GRM7: variants seen among roughly 807,000 people sequenced by gnomAD.
GRM7 encodes glutamate metabotropic receptor 7, also known as metabotropic glutamate receptor 7.
GRM7 carries 35 observed loss-of-function variants against 84.5 expected under a neutral mutation model. The observed-to-expected ratio is 0.41, with a 90% CI of 0.32 to 0.55. The LOEUF is 0.55. GRM7 is among the 20% of genes least tolerant of loss of function. The pLI, the probability that GRM7 is intolerant of heterozygous loss-of-function variation, is 0.19. For missense variants in GRM7, 1,003 were observed against 1,194.6 expected, an observed-to-expected ratio of 0.84 and a Z score of 2.36; for synonymous variants, 487 against 455.1, an observed-to-expected ratio of 1.07 and a Z score of -0.89.
intron 2 of GRM7, among the ~76,000 whole-genome samples, chr3:7,242,102 C>T (rs1019297368): frequency 3.3e-5 from 5 of 152,044 alleles, no homozygotes; most frequent in Non-Finnish European, 7.4e-5. Flanking sequence ...CCTTTTTGTG[C>T]CAGATCTTTT....
At chr3:7,663,634 G>A (rs572939619) in intron 8 of GRM7, among the ~76,000 whole-genome samples, 20 of 152,238 alleles carry the variant, frequency 1.3e-4, no homozygotes, top group Admixed American at 1.3e-3. Flanking sequence ...GTTATACATT[G>A]TTAACACATT....
intron 1 of GRM7, among the ~76,000 whole-genome samples, chr3:6,952,058 A>G (rs1306240087): frequency 1.3e-5 from 2 of 151,974 alleles, no homozygotes; most frequent in African/African-American, 4.8e-5. Flanking sequence ...GTTTACATCT[A>G]TCATCTTGCT....
intron 8 of GRM7, among the ~76,000 whole-genome samples, chr3:7,644,775 C>G (rs1477344738): frequency 6.6e-6 from 1 of 152,090 alleles, no homozygotes; most frequent in Non-Finnish European, 1.5e-5. Context: ...AAGTTGTCCC[C>G]AAGACTTTGG....
chr3:6,891,243 A>G (rs1245170481), intron 1 of GRM7, among the ~76,000 whole-genome samples: 2 of 152,056 alleles, frequency 1.3e-5, no homozygotes, highest in Non-Finnish European at 2.9e-5. Flanking sequence ...TTTAAAGTTA[A>G]TATTGTTATG....
chr3:7,637,576 G>C (rs1698156511), intron 8 of GRM7, among the ~76,000 whole-genome samples: 1 of 152,144 alleles, frequency 6.6e-6, no homozygotes, highest in South Asian at 2.1e-4. Context: ...CTCCAACATG[G>C]CTTTGCAGGA....
At chr3:7,464,339 A>G (rs765296211) in intron 7 of GRM7, among the ~76,000 whole-genome samples, 9 of 152,188 alleles carry the variant, frequency 5.9e-5, no homozygotes, top group Non-Finnish European at 1.0e-4. Context: ...AAGAATCCCA[A>G]TTGGGATTAT....
intron 7 of GRM7, among the ~76,000 whole-genome samples, chr3:7,522,291 G>A (rs555530460): frequency 1.4e-5 from 2 of 145,398 alleles, no homozygotes; most frequent in African/African-American, 2.6e-5. Context: ...TCGGGGTAGG[G>A]GGAGGAAGAC....
intron 4 of GRM7, among the ~76,000 whole-genome samples, chr3:7,312,926 T>A (rs978474336): frequency 5.5e-5 from 7 of 126,376 alleles, no homozygotes; most frequent in African/African-American, 2.5e-4. Context: ...CTCCTTTTTT[T>A]TCTTTTTTTC....
At chr3:7,603,518 A>T (rs1179601143) in intron 8 of GRM7, among the ~76,000 whole-genome samples, 1 of 152,118 alleles carries the variant, frequency 6.6e-6, no homozygotes, top group Non-Finnish European at 1.5e-5. Context: ...CCCAGAGAAA[A>T]ATTGTGCAAG....
At chr3:7,722,412 C>G (rs1044597975) in intron 9 of GRM7, among the ~76,000 whole-genome samples, 1 of 150,996 alleles carries the variant, frequency 6.6e-6, no homozygotes, top group Non-Finnish European at 1.5e-5. Flanking sequence ...GTAACTTGGC[C>G]AGGGTCATAC....
chr3:7,192,628 A>G (rs1386309702), intron 2 of GRM7, among the ~76,000 whole-genome samples: 1 of 152,020 alleles, frequency 6.6e-6, no homozygotes, highest in Admixed American at 6.6e-5. Context: ...TCCTTCCTTC[A>G]GTTCCGATTT....
intron 7 of GRM7, among the ~76,000 whole-genome samples, chr3:7,506,771 C>A (rs932028138): frequency 6.6e-6 from 1 of 152,088 alleles, no homozygotes; most frequent in African/African-American, 2.4e-5. Flanking sequence ...AGATAATAAA[C>A]CCTGTCCTGT....
intron 5 of GRM7, among the ~76,000 whole-genome samples, chr3:7,423,595 A>C (rs1696484581): frequency 6.6e-6 from 1 of 152,118 alleles, no homozygotes; most frequent in Admixed American, 6.6e-5. Context: ...TTACAGTAGA[A>C]TATAGCCTTC....
At chr3:7,564,406 C>A (rs1416384376) in intron 7 of GRM7, among the ~76,000 whole-genome samples, 1 of 152,146 alleles carries the variant, frequency 6.6e-6, no homozygotes, top group Non-Finnish European at 1.5e-5. Flanking sequence ...CCGTGATCAT[C>A]TGATTCCAAT....
At position 6,916,800 on chromosome 3, in the gene GRM7, AT is replaced by A. The variant is rs200846604; in HGVS notation, c.519+54902del. 1.3e-4 allele frequency among the ~76,000 whole-genome samples: 20 copies of A among 150,858 alleles called. No individual in the cohort carries two copies. In the East Asian group the frequency reaches 1.6e-3, roughly 12 times the overall value. ...AGCAGAGGTAAAACTTTATTAATTC[AT>A]TTTTTTTTCATTCAGAACCTACTAT... is the stretch of plus-strand genomic sequence containing the variant. On this transcript the variant is annotated intron_variant, in intron 1 of 9. Coordinates refer to ENST00000357716, the MANE Select transcript of GRM7 (RefSeq NM_000844.4).
intron 4 of GRM7, among the ~76,000 whole-genome samples, chr3:7,311,922 C>T (rs1189224269): frequency 6.6e-6 from 1 of 152,168 alleles, no homozygotes; most frequent in Non-Finnish European, 1.5e-5. Context: ...CACCACTGTA[C>T]AGCTTTGGAA....
chr3:7,179,004 G>A (rs1044131880), intron 2 of GRM7, among the ~76,000 whole-genome samples: 3 of 152,144 alleles, frequency 2.0e-5, no homozygotes, highest in Admixed American at 2.0e-4. Context: ...TACTCGGGAG[G>A]CTGAGGCAGA....
At chr3:7,103,988 GTCCCCACCAAATTTATATGT>G (rs1699213102) in intron 1 of GRM7, among the ~76,000 whole-genome samples, 1 of 151,382 alleles carries the variant, frequency 6.6e-6, no homozygotes, top group Admixed American at 6.6e-5. Flanking sequence ...TTGTGAATTT[GTCCCCACCAAATTTATATGT>G]TGAAGCCCTA....
At chr3:7,066,858 A>G (rs527470599) in intron 1 of GRM7, among the ~76,000 whole-genome samples, 1 of 152,092 alleles carries the variant, frequency 6.6e-6, no homozygotes, top group East Asian at 1.9e-4. Flanking sequence ...GGATGCAGGG[A>G]TGATTTAACA....
Sources: gnomAD v4.1 joint callset for allele counts (sites outside exome capture counted in the v4.1 genomes callset) on GRCh38, gnomAD v4.1.1 for gene constraint, MANE v1.5 for transcripts, NCBI Gene and HGNC (gene_info 2026-07-23, HGNC 2026-07-21) for gene names.